The following DYNC1H1 variants were observed in gnomAD, a reference collection of about 807,000 sequenced individuals.
DYNC1H1 encodes the protein cytoplasmic dynein 1 heavy chain 1.
Under a neutral mutation model 527.1 loss-of-function variants are expected in DYNC1H1, and 51 were observed. That is an observed-to-expected ratio of 0.10 (90% CI 0.08 to 0.12). DYNC1H1 has a LOEUF of 0.12. Ranked by LOEUF, DYNC1H1 falls within the 10% of genes least tolerant of loss-of-function variation. The pLI is 1.00. For missense variants in DYNC1H1, 2,771 were observed against 5,971.8 expected (o/e 0.46, Z 17.66); for synonymous variants, 2,189 against 2,278.8 (o/e 0.96, Z 1.12).
At position 102,011,707 on chromosome 14, in the gene DYNC1H1, G is replaced by A. The variant is rs34309737; in HGVS notation, c.6619-168G>A. 28,181 of 679,256 alleles carry A rather than the reference G, an allele frequency of 0.041. 778 individuals are homozygous for A. The highest frequency in any genetic ancestry group is 0.049 in the Non-Finnish European group (19,098 of 391,054). 42.1% of individuals were successfully genotyped at this position (679,256 alleles called of 1,614,324 possible). On this transcript the variant is annotated intron_variant, in intron 32 of 77. Transcript: ENST00000360184. The surrounding 1 kb of genome is among the most constrained non-coding windows in gnomAD (Gnocchi z 5.3). ...GTGGAGCTTGCGGTGAGCTGAGATC[G>A]TGCCACTGCATTCCAGTCTGGGTGA...
At position 101,988,694 on chromosome 14, in the gene DYNC1H1, T is replaced by C; in HGVS notation, c.2719-9T>C. Reference sequence around the variant, plus strand: ...GAAACACTGTTCTCTGATATAACGTTGTCTGTAGATTGAAAGAATATTGGG... The same window carrying C: ...GAAACACTGTTCTCTGATATAACGTCGTCTGTAGATTGAAAGAATATTGGG... On this transcript the variant is annotated splice_polypyrimidine_tract_variant and intron_variant, in intron 9 of 77. Transcript: ENST00000360184. 1.2e-6 allele frequency: 2 copies of C among 1,613,688 alleles called. No homozygotes were observed. The highest frequency in any genetic ancestry group is 1.7e-6 in the Non-Finnish European group (2 of 1,179,692).
rs750074486 is a variant in DYNC1H1 at position 101,994,768 on chromosome 14, C to T, written c.3252C>T (p.Val1084=). 6.2e-7 allele frequency: 1 copy of T among 1,614,136 alleles called. No individual in the cohort carries two copies. Among genetic ancestry groups the T allele is most frequent in the Non-Finnish European group, 8.5e-7 (1 of 1,180,018 alleles). The change falls in exon 13 of 78, where the codon GTC becomes GTT. Residue 1084 remains valine, a synonymous_variant. Coordinates refer to ENST00000360184, the MANE Select transcript of DYNC1H1 (RefSeq NM_001376.5). Reference sequence around the variant, plus strand: ...TCAACAAATGGCAGGCTCTCCTGGTCCAAATAAGGAAGGCCAGAGGAACCT... The same window carrying T: ...TCAACAAATGGCAGGCTCTCCTGGTTCAAATAAGGAAGGCCAGAGGAACCT... The part of the protein sequence containing the change: ...EDLNKWQALL[V]QIRKARGTFD...
At chr14:101,968,920 A>G (rs960311443) in intron 1 of DYNC1H1, among the ~76,000 whole-genome samples, 6 of 152,160 alleles carry the variant, frequency 3.9e-5, no homozygotes, top group South Asian at 2.1e-4. Context: ...TTAATCTCCA[A>G]CACAACATAT....
rs1437521061 is a variant in DYNC1H1, at chr14:102,042,357, TG to T, written c.12276-26del. The T allele has an allele frequency of 6.2e-7, 1 of 1,614,090 alleles. No homozygotes were observed. Among genetic ancestry groups the T allele is most frequent in the African/African-American group, 1.3e-5 (1 of 74,942 alleles). ...CATTCAGGCAGGCAGCCTGGCATGC[TG>T]TGTGACTCTCACTTTGTGTGTGCAG... On this transcript the variant is annotated intron_variant, in intron 67 of 77. Transcript: ENST00000360184. The surrounding 1 kb of genome is among the most constrained non-coding windows in gnomAD (Gnocchi z 5.7).
chr14:101,966,738 A>T (rs1306462230), intron 1 of DYNC1H1, among the ~76,000 whole-genome samples: 1 of 152,228 alleles, frequency 6.6e-6, no homozygotes, highest in Admixed American at 6.5e-5. Context: ...TATGAAAAAA[A>T]ATTTAAGTTT....
rs573668809 is a variant in DYNC1H1 at position 102,049,599 on chromosome 14, C to G, written c.13515+17C>G. The G allele has an allele frequency of 1.5e-5, 24 of 1,613,726 alleles. 1 individual carries two copies. In the South Asian group the frequency reaches 2.6e-4, roughly 18 times the overall value. On this transcript the variant is annotated intron_variant, in intron 75 of 77. Transcript: ENST00000360184. This position sits in a 1 kb window ranked among gnomAD's most constrained non-coding sequence, Gnocchi z 5.5. ...GAGCTAAAGGTGAAGGCGCTCCTGA[C>G]GAGTCTCGGGTGGTCAGCAGCTGTC...
Position 102,015,086 on chromosome 14 carries a change from CTTAATGT to C in DYNC1H1, c.7015-16_7015-10del. ...TTCCAAACCTATGTCATTAAATCTG[CTTAATGT>C]TTTCTTTCAAGGTGAGAATAATGTT... On this transcript the variant is annotated splice_polypyrimidine_tract_variant and intron_variant, in intron 34 of 77. Coordinates refer to ENST00000360184, the MANE Select transcript of DYNC1H1 (RefSeq NM_001376.5). This position sits in a 1 kb window ranked among gnomAD's most constrained non-coding sequence, Gnocchi z 6.9. 6.2e-7 allele frequency: 1 copy of C among 1,613,020 alleles called. No homozygotes were observed.
intron 1 of DYNC1H1, among the ~76,000 whole-genome samples, chr14:101,970,289 G>C (rs1032836150): frequency 2.0e-5 from 3 of 151,974 alleles, no homozygotes; most frequent in Admixed American, 1.3e-4. Context: ...AGAGCAGGGA[G>C]TGGTTGTGGG....
chr14:102,017,691 G>A lies in DYNC1H1; in HGVS notation c.8177+187G>A. ...TGTTAAAAATAAAAGCATTGGCCGG[G>A]CGCAGTGGCTTACGCCTATAATCCC... On this transcript the variant is annotated intron_variant, in intron 40 of 77. Coordinates refer to ENST00000360184, the MANE Select transcript of DYNC1H1 (RefSeq NM_001376.5). This position sits in a 1 kb window ranked among gnomAD's most constrained non-coding sequence, Gnocchi z 4.6. 1 of 1,172,928 alleles carries A rather than the reference G, an allele frequency of 8.5e-7. No homozygotes were observed. The highest frequency in any genetic ancestry group is 1.2e-6 in the Non-Finnish European group (1 of 830,386). The allele number at this position is 1,172,928 out of a possible 1,614,324, so 72.7% of individuals were successfully genotyped here.
chr14:101,979,553 G>A lies in DYNC1H1; in HGVS notation c.518+61G>A, dbSNP rs948668813. 26 of 1,611,706 alleles carry A rather than the reference G, an allele frequency of 1.6e-5. No individual in the cohort carries two copies. Among genetic ancestry groups the A allele is most frequent in the East Asian group, 1.3e-4 (6 of 44,884 alleles). ...ATGTTCACAAGATAGTATAGAACTC[G>A]GTGTAAAACTTGGGAATTGGGAGGG... On this transcript the variant is annotated intron_variant, in intron 3 of 77. Coordinates refer to ENST00000360184, the MANE Select transcript of DYNC1H1 (RefSeq NM_001376.5). The surrounding 1 kb of genome is among the most constrained non-coding windows in gnomAD (Gnocchi z 4.6).
chr14:102,030,102 G>A (rs981118167), intron 50 of DYNC1H1, 60 bp from the exon 51 acceptor site: 2 of 1,613,020 alleles, frequency 1.2e-6, no homozygotes, highest in African/African-American at 1.3e-5. Flanking sequence ...ATGTTGTTTA[G>A]AATTTAGTCA....
chr14:101,987,408 A>C, intron 8 of DYNC1H1, 45 bp from the exon 9 acceptor site: 1 of 1,564,998 alleles, frequency 6.4e-7, no homozygotes. Flanking sequence ...ATAAAGGAAC[A>C]GAGTGTGAGT....
Position 101,983,620 on chromosome 14 carries a change from C to T in DYNC1H1, c.1461+11C>T. ...GTCCTGAGGCCACAGGTAAGATTTG[C>T]ATTCTAAAAGTTTGTGTTTTGTTTT... is the stretch of plus-strand genomic sequence containing the variant. On this transcript the variant is annotated intron_variant, in intron 7 of 77. Transcript: ENST00000360184. This position sits in a 1 kb window ranked among gnomAD's most constrained non-coding sequence, Gnocchi z 5.3. The T allele has an allele frequency of 6.2e-7, 1 of 1,611,844 alleles. No individual in the cohort carries two copies. Among genetic ancestry groups the T allele is most frequent in the Non-Finnish European group, 8.5e-7 (1 of 1,178,708 alleles).
Position 102,018,544 on chromosome 14 carries a change from G to A in DYNC1H1, c.8271G>A (p.Arg2757=), listed in dbSNP as rs777569473. ...IYGTFNRAML[R]LIPSLRTYAE... ...GCACCTTCAACCGCGCCATGCTGAG[G>A]CTCATTCCATCCCTGCGGACGTATG... The change falls in exon 41 of 78, where the codon AGG becomes AGA. Residue 2757 remains arginine, a synonymous_variant. Transcript: ENST00000360184. The surrounding 1 kb of genome is among the most constrained non-coding windows in gnomAD (Gnocchi z 5.2). 7 of 1,614,088 alleles carry A rather than the reference G, an allele frequency of 4.3e-6. No homozygotes were observed. The South Asian group carries it at 7.7e-5, about 18-fold the overall frequency.
rs2048624244 is a variant in DYNC1H1 at position 102,039,835 on chromosome 14, ATTTTC to A, written c.11690+107_11690+111del. 1 of 958,530 alleles carries A rather than the reference ATTTTC, an allele frequency of 1.0e-6. No homozygotes were observed. The highest frequency in any genetic ancestry group is 1.4e-6 in the Non-Finnish European group (1 of 723,144). 59.4% of individuals were successfully genotyped at this position (958,530 alleles called of 1,614,324 possible). A position where few individuals can be genotyped will look rare whatever the true frequency, so the allele number is the denominator to read the frequency against. Reference sequence around the variant, plus strand: ...TATTATTTCTTTTATTTTCTCTTTTATTTTCTTTATTTTATTTTTTGAGACGGAGT... The same window carrying A: ...TATTATTTCTTTTATTTTCTCTTTTATTTATTTTATTTTTTGAGACGGAGT... On this transcript the variant is annotated intron_variant, in intron 62 of 77. Transcript: ENST00000360184. The surrounding 1 kb of genome is among the most constrained non-coding windows in gnomAD (Gnocchi z 7.0).
At chr14:101,992,293 T>C (rs2048006591) in intron 11 of DYNC1H1, among the ~76,000 whole-genome samples, 1 of 152,130 alleles carries the variant, frequency 6.6e-6, no homozygotes, top group Non-Finnish European at 1.5e-5. Flanking sequence ...TAAACTCAGA[T>C]CTTTAAGGAT....
Position 101,979,683 on chromosome 14 carries a change from G to A in DYNC1H1, c.519-36G>A, listed in dbSNP as rs770359847. On this transcript the variant is annotated intron_variant, in intron 3 of 77. Transcript: ENST00000360184. The surrounding 1 kb of genome is among the most constrained non-coding windows in gnomAD (Gnocchi z 4.6). ...GATGGGATCTCTTTGGAGACCAATA[G>A]CACACTAAATGTTGAGGTATGAAAT... 9 of 1,613,060 alleles carry A rather than the reference G, an allele frequency of 5.6e-6. No individual in the cohort carries two copies. The East Asian group carries it at 1.8e-4, about 32-fold the overall frequency.
At chr14:101,989,842 A>G (rs2047976844) in intron 10 of DYNC1H1, among the ~76,000 whole-genome samples, 1 of 152,242 alleles carries the variant, frequency 6.6e-6, no homozygotes, top group East Asian at 1.9e-4. Flanking sequence ...GCAAAATGAC[A>G]TTTCAGTCAA....
intron 15 of DYNC1H1, among the ~76,000 whole-genome samples, 191 bp downstream of exon 15, chr14:101,995,491 G>A (rs1208790248): frequency 1.3e-5 from 2 of 151,900 alleles, no homozygotes; most frequent in East Asian, 3.9e-4. Context: ...GGTACCTGTG[G>A]TCCCAGCTAC....
Sources: gnomAD v4.1 joint callset for allele counts (sites outside exome capture counted in the v4.1 genomes callset) on GRCh38, gnomAD v4.1.1 for gene constraint, Gnocchi (gnomAD v3.1) non-coding constraint, MANE v1.5 for transcripts, NCBI Gene and HGNC (gene_info 2026-07-23, HGNC 2026-07-21) for gene names.